Variants in SORCS3 observed in about 807,000 individuals in gnomAD.
The protein encoded by SORCS3 is sortilin related VPS10 domain containing receptor 3.
Under a neutral mutation model 146.3 loss-of-function variants are expected in SORCS3, and 57 were observed. That is an observed-to-expected ratio of 0.39 (90% CI 0.31 to 0.49). SORCS3 has a LOEUF of 0.49. SORCS3 is among the 20% of genes least tolerant of loss of function. The pLI is 0.92. For synonymous variants in SORCS3, 653 were observed against 618.5 expected, an observed-to-expected ratio of 1.06 and a Z score of -0.83; for missense variants, 1,341 against 1,575.5, an observed-to-expected ratio of 0.85 and a Z score of 2.52.
chr10:105,217,854 C>T (rs987425843), intron 19 of SORCS3: 12 of 453,816 alleles, frequency 2.6e-5, no homozygotes, highest in Non-Finnish European at 4.4e-5. Flanking sequence ...GATGTCGGGT[C>T]GAGGAAATGT....
intron 13 of SORCS3, among the ~76,000 whole-genome samples, chr10:105,175,371 G>A (rs552063518): frequency 1.8e-4 from 27 of 152,020 alleles, no homozygotes; most frequent in African/African-American, 6.0e-4. Flanking sequence ...ACCTTTTATT[G>A]ATAAGGAAAT....
At chr10:104,962,719 G>T (rs973569557) in intron 3 of SORCS3, among the ~76,000 whole-genome samples, 2 of 152,164 alleles carry the variant, frequency 1.3e-5, no homozygotes, top group African/African-American at 4.8e-5. Flanking sequence ...TGTGTGTGTA[G>T]ACAGATAATG....
intron 11 of SORCS3, among the ~76,000 whole-genome samples, chr10:105,163,336 T>C (rs1352012042): frequency 6.6e-6 from 1 of 152,230 alleles, no homozygotes; most frequent in Non-Finnish European, 1.5e-5. Context: ...ATTCTCTTCC[T>C]GCTATTTTTA....
At chr10:104,674,274 A>G (rs971899606) in intron 1 of SORCS3, among the ~76,000 whole-genome samples, 2 of 152,220 alleles carry the variant, frequency 1.3e-5, no homozygotes, top group Admixed American at 6.5e-5. Flanking sequence ...TTGCCTTCTA[A>G]TATTCCTATC....
At chr10:104,829,580 C>T (rs1452437879) in intron 1 of SORCS3, among the ~76,000 whole-genome samples, 3 of 151,960 alleles carry the variant, frequency 2.0e-5, no homozygotes, top group Non-Finnish European at 4.4e-5. Context: ...TTGAGAAAGA[C>T]CTTTTATGCC....
intron 1 of SORCS3, among the ~76,000 whole-genome samples, chr10:104,783,187 G>A (rs1466383526): frequency 2.0e-5 from 3 of 152,172 alleles, no homozygotes; most frequent in Non-Finnish European, 2.9e-5. Flanking sequence ...GGATTGTGAT[G>A]TGAATATTAA....
intron 8 of SORCS3, among the ~76,000 whole-genome samples, chr10:105,143,385 C>A (rs1452420596): frequency 1.3e-5 from 2 of 152,048 alleles, no homozygotes; most frequent in Admixed American, 6.6e-5. Flanking sequence ...ACTCCTATAT[C>A]TACAACCCCA....
At chr10:105,226,325 GTCAT>G (rs1389743419) in intron 20 of SORCS3, among the ~76,000 whole-genome samples, 1 of 151,642 alleles carries the variant, frequency 6.6e-6, no homozygotes. Context: ...TATGTTTTTT[GTCAT>G]TCACTCTATT....
At chr10:104,797,870 C>G (rs1455050089) in intron 1 of SORCS3, among the ~76,000 whole-genome samples, 2 of 151,976 alleles carry the variant, frequency 1.3e-5, no homozygotes, top group Non-Finnish European at 2.9e-5. Context: ...GTGCTGAAAA[C>G]AAAACAAAAT....
At chr10:105,217,852 G>A (rs2056674729) in intron 19 of SORCS3, 2 of 454,058 alleles carry the variant, frequency 4.4e-6, no homozygotes, top group South Asian at 1.6e-5. Context: ...AGGATGTCGG[G>A]TCGAGGAAAT....
chr10:104,793,110 T>A (rs559029933), intron 1 of SORCS3, among the ~76,000 whole-genome samples: 1 of 152,296 alleles, frequency 6.6e-6, no homozygotes, highest in East Asian at 1.9e-4. Flanking sequence ...TAAAATTGAG[T>A]CATTTTGAAT....
Position 105,104,851 on chromosome 10 carries a change from C to T in SORCS3, c.1094-546C>T, listed in dbSNP as rs151147695. 6.8e-4 allele frequency among the ~76,000 whole-genome samples: 103 copies of T among 152,224 alleles called. 1 individual carries two copies. The highest frequency in any genetic ancestry group is 1.3e-3 in the Non-Finnish European group (87 of 68,004). ...ACCATGTTGAAGCATACGTATCCAC[C>T]GAATTCTTCTAATTGCAGCATAGTA... On this transcript the variant is annotated intron_variant, in intron 6 of 26. Transcript: ENST00000369701.
intron 1 of SORCS3, among the ~76,000 whole-genome samples, chr10:104,830,757 T>C (rs564227533): frequency 6.6e-6 from 1 of 152,160 alleles, no homozygotes; most frequent in Non-Finnish European, 1.5e-5. Flanking sequence ...TGAGTGTTCT[T>C]TTCCACCCTC....
Position 105,175,629 on chromosome 10 carries a change from G to GT in SORCS3, c.1902-2433dup, listed in dbSNP as rs150667920. On this transcript the variant is annotated intron_variant, in intron 13 of 26. Coordinates refer to ENST00000369701, the MANE Select transcript of SORCS3 (RefSeq NM_014978.3). ...GTAAAGTTCATTTCCAATTATACAT[G>GT]TTTTCACTTTTGAAATGAGAAACCT... Among the ~76,000 whole-genome samples, 1,173 of 152,248 alleles carry GT rather than the reference G, an allele frequency of 7.7e-3. 13 individuals are homozygous for GT. The highest frequency in any genetic ancestry group is 0.027 in the African/African-American group (1,111 of 41,546).
chr10:105,227,765 G>A (rs924934753), intron 20 of SORCS3, among the ~76,000 whole-genome samples: 3 of 151,880 alleles, frequency 2.0e-5, no homozygotes, highest in South Asian at 2.1e-4. Context: ...ATATCTTCTT[G>A]CTGAATTGAT....
intron 2 of SORCS3, among the ~76,000 whole-genome samples, chr10:104,901,622 A>C (rs894699948): frequency 5.9e-5 from 9 of 151,960 alleles, no homozygotes; most frequent in Non-Finnish European, 1.3e-4. Flanking sequence ...CCAGGAGAGG[A>C]CTGTCTCTGA....
intron 3 of SORCS3, among the ~76,000 whole-genome samples, chr10:104,920,934 A>G (rs940049212): frequency 2.6e-5 from 4 of 152,192 alleles, no homozygotes; most frequent in Admixed American, 1.3e-4. Context: ...TTCTCCAGCC[A>G]TTGGCCAATT....
intron 4 of SORCS3, among the ~76,000 whole-genome samples, chr10:105,042,159 G>A (rs2055342434): frequency 6.6e-6 from 1 of 152,176 alleles, no homozygotes; most frequent in Non-Finnish European, 1.5e-5. Flanking sequence ...GTCTAGCAGG[G>A]TAGAGACATG....
intron 8 of SORCS3, 129 bp from the exon 9 acceptor site, chr10:105,147,488 A>G: frequency 1.5e-6 from 1 of 676,712 alleles, no homozygotes; most frequent in Non-Finnish European, 2.3e-6. Flanking sequence ...TCAACATGGA[A>G]TTGTTTAACA....
Sources: allele counts gnomAD v4.1 joint callset (sites outside exome capture counted in the v4.1 genomes callset), GRCh38; gene constraint gnomAD v4.1.1; transcripts MANE v1.5; gene names NCBI Gene and HGNC (gene_info 2026-07-23, HGNC 2026-07-21).